EBF3: variants seen among roughly 807,000 people sequenced by gnomAD.
EBF3 encodes the protein transcription factor COE3.
A neutral mutation model predicts 77.1 loss-of-function variants in EBF3; 18 were observed. The observed-to-expected ratio is 0.23, with a 90% CI of 0.16 to 0.35. The LOEUF (loss-of-function observed/expected upper bound fraction) is 0.35, where lower values mean the gene tolerates loss of function less well. EBF3 is among the 10% of genes least tolerant of loss of function. The pLI is 1.00. For synonymous variants in EBF3, 350 were observed against 343.5 expected, an observed-to-expected ratio of 1.02 and a Z score of -0.21; for missense variants, 558 against 860.0, an observed-to-expected ratio of 0.65 and a Z score of 4.39.
At chr10:129,880,861 C>T (rs540695139) in intron 6 of EBF3, among the ~76,000 whole-genome samples, 24 of 152,152 alleles carry the variant, frequency 1.6e-4, no homozygotes, top group Non-Finnish European at 2.5e-4. Flanking sequence ...TGGCTGGCAC[C>T]GTACAGCAGG....
intron 6 of EBF3, among the ~76,000 whole-genome samples, chr10:129,915,565 C>T (rs1218697949): frequency 2.6e-5 from 4 of 151,850 alleles, no homozygotes; most frequent in African/African-American, 7.3e-5. Context: ...CGGGGTGTGA[C>T]GTCCCATGAA....
At chr10:129,934,021 T>C (rs1356317385) in intron 6 of EBF3, among the ~76,000 whole-genome samples, 2 of 152,116 alleles carry the variant, frequency 1.3e-5, no homozygotes, top group African/African-American at 4.8e-5. Context: ...ATTTAGCAAA[T>C]AAAAATACAG....
rs1351323946 is a variant in EBF3, at chr10:129,897,455, C to G, written c.555-19606G>C. 6.6e-6 allele frequency among the ~76,000 whole-genome samples: 1 copy of G among 152,186 alleles called. No individual in the cohort carries two copies. Among genetic ancestry groups the G allele is most frequent in the Non-Finnish European group, 1.5e-5 (1 of 68,028 alleles). On this transcript the variant is annotated intron_variant, in intron 6 of 16. Coordinates refer to ENST00000440978, the MANE Select transcript of EBF3 (RefSeq NM_001375380.1). The surrounding 1 kb of genome is among the most constrained non-coding windows in gnomAD (Gnocchi z 4.6). ...TGCATGGCCTCTTCTCCCATCCACC[C>G]TCCCCTGCAGACTGGCTCCCCCTAA...
At chr10:129,874,541 C>T (rs534493228) in intron 7 of EBF3, among the ~76,000 whole-genome samples, 6 of 152,288 alleles carry the variant, frequency 3.9e-5, no homozygotes, top group East Asian at 3.9e-4. Context: ...GCATTCATCC[C>T]GGACTAGCTG....
chr10:129,838,672 T>C (rs746092734), intron 16 of EBF3, among the ~76,000 whole-genome samples: 2 of 152,268 alleles, frequency 1.3e-5, no homozygotes, highest in Non-Finnish European at 2.9e-5. Flanking sequence ...CATGAACTCC[T>C]GGTACGAATG....
chr10:129,849,506 G>A (rs902807522), intron 10 of EBF3, among the ~76,000 whole-genome samples: 1 of 152,132 alleles, frequency 6.6e-6, no homozygotes, highest in African/African-American at 2.4e-5. Context: ...GTGCGGGGGC[G>A]GACACAAAGA....
intron 6 of EBF3, among the ~76,000 whole-genome samples, chr10:129,945,578 G>T (rs932851678): frequency 1.3e-5 from 2 of 152,172 alleles, no homozygotes. Flanking sequence ...CTAATAAACT[G>T]GCTGGCTGTG....
At chr10:129,900,693 T>C (rs1854716776) in intron 6 of EBF3, among the ~76,000 whole-genome samples, 1 of 152,274 alleles carries the variant, frequency 6.6e-6, no homozygotes, top group Non-Finnish European at 1.5e-5. Context: ...TTGATGGTGC[T>C]GTAGCCAGGC....
intron 10 of EBF3, among the ~76,000 whole-genome samples, chr10:129,854,862 G>A (rs1851137045): frequency 6.6e-6 from 1 of 152,262 alleles, no homozygotes; most frequent in Non-Finnish European, 1.5e-5. Context: ...AGGCCTTGCA[G>A]CCTCCGCGTC....
Position 129,947,684 on chromosome 10 carries a change from T to TG in EBF3, c.554+9573dup, listed in dbSNP as rs1554931767. On this transcript the variant is annotated intron_variant, in intron 6 of 16. Coordinates refer to ENST00000440978, the MANE Select transcript of EBF3 (RefSeq NM_001375380.1). This position sits in a 1 kb window ranked among gnomAD's most constrained non-coding sequence, Gnocchi z 4.5. The stretch of plus-strand genomic sequence containing the variant: ...TTCTTTGCAAAGGAACCAAATGCTT[T>TG]GAAAAAAAAAAAAAAAGAAGGGCAG... 1.4e-5 allele frequency among the ~76,000 whole-genome samples: 2 copies of TG among 145,798 alleles called. No individual in the cohort carries two copies. The highest frequency in any genetic ancestry group is 2.5e-5 in the African/African-American group (1 of 39,510).
At position 129,837,952 on chromosome 10, in the gene EBF3, C is replaced by G. The variant is rs767820046; in HGVS notation, c.1881G>C (p.Leu627=). The change falls in exon 17 of 17, where the codon CTG becomes CTC. Residue 627 remains leucine, a synonymous_variant. Transcript: ENST00000440978. The stretch of plus-strand genomic sequence containing the variant: ...CCTCACATTGGCGGGACTACCAGCC[C>G]AGACATAGCTGCAAGACAGAAGGAC... ...MLKKGTGKLC[L]GW is the part of the protein sequence containing the mutation. The G allele has an allele frequency of 6.2e-7, 1 of 1,614,120 alleles. No homozygotes were observed. The highest frequency in any genetic ancestry group is 1.7e-5 in the Admixed American group (1 of 60,022).
At chr10:129,894,693 C>T (rs1854250471) in intron 6 of EBF3, among the ~76,000 whole-genome samples, 1 of 152,222 alleles carries the variant, frequency 6.6e-6, no homozygotes, top group South Asian at 2.1e-4. Context: ...GACCCTCCTG[C>T]TTCCAGGGCA....
chr10:129,930,730 C>A lies in EBF3; in HGVS notation c.554+26528G>T, dbSNP rs554167741. 8.2e-5 allele frequency among the ~76,000 whole-genome samples: 12 copies of A among 146,242 alleles called. 1 individual carries two copies. In the South Asian group the frequency reaches 1.8e-3, roughly 22 times the overall value. On this transcript the variant is annotated intron_variant, in intron 6 of 16. Coordinates refer to ENST00000440978, the MANE Select transcript of EBF3 (RefSeq NM_001375380.1). ...CCCCCTCTCATATATCTGTATCTGT[C>A]TATATCTATCTCTATATTAACAAAT...
intron 10 of EBF3, among the ~76,000 whole-genome samples, chr10:129,857,483 C>T (rs554281172): frequency 4.6e-5 from 7 of 152,318 alleles, no homozygotes; most frequent in East Asian, 3.9e-4. Flanking sequence ...ACAGCCTCTA[C>T]GGCCACCTCC....
At chr10:129,840,787 C>T (rs184123516) in intron 14 of EBF3, 57 bp downstream of exon 14, 158 of 1,563,712 alleles carry the variant, frequency 1.0e-4, no homozygotes, top group South Asian at 5.5e-4. Context: ...TGCACACACT[C>T]GACTCGGTAG....
intron 6 of EBF3, among the ~76,000 whole-genome samples, chr10:129,905,326 C>T (rs1470725944): frequency 6.6e-6 from 1 of 152,040 alleles, no homozygotes; most frequent in African/African-American, 2.4e-5. Context: ...ACTTAGTGAA[C>T]AAGATAAAAT....
chr10:129,942,198 T>C (rs1230061131), intron 6 of EBF3, among the ~76,000 whole-genome samples: 6 of 152,182 alleles, frequency 3.9e-5, no homozygotes, highest in African/African-American at 1.4e-4. Flanking sequence ...AAATTGTGCT[T>C]AAGTTTTGAA....
chr10:129,942,925 C>T (rs959754046), intron 6 of EBF3, among the ~76,000 whole-genome samples: 8 of 152,278 alleles, frequency 5.3e-5, no homozygotes, highest in South Asian at 2.1e-4. Flanking sequence ...TGCCAGATCA[C>T]GCGTTGACAT....
rs1224231701 is a variant in EBF3, at chr10:129,841,364, G to C, written c.1373-332C>G. On this transcript the variant is annotated intron_variant, in intron 13 of 16. Transcript: ENST00000440978. The surrounding 1 kb of genome is among the most constrained non-coding windows in gnomAD (Gnocchi z 4.6). ...TCCCCCCACGCTCTGTGAACTTTCG[G>C]CCTCTGTAGACCTTCAAATGCCATG... is the stretch of plus-strand genomic sequence containing the variant. Among the ~76,000 whole-genome samples the C allele has an allele frequency of 6.6e-6, 1 of 152,120 alleles. No individual in the cohort carries two copies. Among genetic ancestry groups the C allele is most frequent in the Non-Finnish European group, 1.5e-5 (1 of 68,036 alleles).
Sources: allele counts gnomAD v4.1 joint callset (sites outside exome capture counted in the v4.1 genomes callset), GRCh38; gene constraint gnomAD v4.1.1; non-coding constraint Gnocchi (gnomAD v3.1); transcripts MANE v1.5; gene names NCBI Gene and HGNC (gene_info 2026-07-23, HGNC 2026-07-21).